Variants in CNGA1 observed in about 807,000 individuals in gnomAD.
The protein encoded by CNGA1 is cyclic nucleotide gated channel subunit alpha 1.
In CNGA1, 53 loss-of-function variants were observed where a neutral mutation model predicts 69.7. That is an observed-to-expected ratio of 0.76 (90% confidence interval 0.61 to 0.96). The LOEUF is 0.96. Ranked by LOEUF, CNGA1 falls within the 40% of genes least tolerant of loss-of-function variation. CNGA1 has a pLI of 0.00. For missense variants in CNGA1, 739 were observed against 811.2 expected (o/e 0.91, Z 1.08); for synonymous variants, 249 against 283.5 (o/e 0.88, Z 1.22).
At chr4:47,998,418 T>C (rs911253641) in intron 2 of CNGA1, among the ~76,000 whole-genome samples, 4 of 152,166 alleles carry the variant, frequency 2.6e-5, no homozygotes, top group Non-Finnish European at 5.9e-5. Context: ...CACACAGACC[T>C]TGGAGATATT....
rs545029074 is a variant in CNGA1, at chr4:47,991,172, C to T, written c.-122-9672G>A. The stretch of plus-strand genomic sequence containing the variant: ...AACTTCTTTTCCCCTGGGTAGATAC[C>T]GAGTACTGGGATTGCTGGATCAAAT... On this transcript the variant is annotated intron_variant, in intron 2 of 10. Transcript: ENST00000514170. Among the ~76,000 whole-genome samples the T allele has an allele frequency of 4.3e-4, 66 of 152,244 alleles. 1 individual carries two copies. Among genetic ancestry groups the T allele is most frequent in the African/African-American group, 1.3e-3 (56 of 41,540 alleles).
At position 47,936,846 on chromosome 4, in the gene CNGA1, GA is replaced by G. The variant is rs1304811464; in HGVS notation, c.1635del (p.Asn547ThrfsTer35). 1 of 1,614,034 alleles carries G rather than the reference GA, an allele frequency of 6.2e-7. No homozygotes were observed. Among genetic ancestry groups the G allele is most frequent in the Non-Finnish European group, 8.5e-7 (1 of 1,180,034 alleles). The part of the protein sequence containing the change: ...SDGSYFGEIS[I>X]LNIKGSKAGN... ...CCAGCTTTGCTCCCTTTAATGTTAA[GA>G]ATGCTGATCTCACCGAAGTAGCTGC... On this transcript the variant is annotated frameshift_variant, in exon 11 of 11. Transcript: ENST00000514170. LOFTEE classifies it high-confidence loss of function.
At chr4:47,952,408 TAAAA>T (rs1461628886) in intron 4 of CNGA1, among the ~76,000 whole-genome samples, 171 bp downstream of exon 4, 15 of 145,744 alleles carry the variant, frequency 1.0e-4, no homozygotes, top group Non-Finnish European at 1.8e-4. Flanking sequence ...AATAAATAAA[TAAAA>T]TCTATGTTCA....
chr4:47,938,685 G>A (rs1015125206), intron 10 of CNGA1, among the ~76,000 whole-genome samples: 21 of 152,086 alleles, frequency 1.4e-4, no homozygotes, highest in South Asian at 6.2e-4. Flanking sequence ...GCCACTGAGC[G>A]CGGCCCTAAG....
intron 5 of CNGA1, among the ~76,000 whole-genome samples, chr4:47,950,657 A>T (rs749949001): frequency 6.6e-6 from 1 of 152,170 alleles, no homozygotes; most frequent in African/African-American, 2.4e-5. Flanking sequence ...AAGAAAAATA[A>T]GAAAAAGGAA....
intron 6 of CNGA1, among the ~76,000 whole-genome samples, chr4:47,945,353 C>G (rs951827197): frequency 5.9e-5 from 9 of 152,192 alleles, no homozygotes; most frequent in African/African-American, 2.2e-4. Flanking sequence ...GACTCTGCAA[C>G]AGTATGACAA....
In CNGA1 at chr4:47,937,177, G is replaced by A. The variant is rs1233322894; in HGVS notation, c.1305C>T (p.Asp435=). ...CTGTTTTTTTGTTGGTCCACAGGTA[G>A]TCAAACCATTTAATAACCCTCTTTT... ...DMEKRVIKWF[D]YLWTNKKTVD... is the part of the protein sequence containing the mutation. Residue 435 remains aspartate (D), a synonymous_variant, in exon 11 of 11, where the codon GAC becomes GAT. Coordinates refer to ENST00000514170, the MANE Select transcript of CNGA1 (RefSeq NM_001379270.1). 6.2e-7 allele frequency: 1 copy of A among 1,614,190 alleles called. No individual in the cohort carries two copies. The highest frequency in any genetic ancestry group is 2.2e-5 in the East Asian group (1 of 44,890).
At chr4:47,986,601 T>A (rs1445523895) in intron 2 of CNGA1, among the ~76,000 whole-genome samples, 2 of 152,166 alleles carry the variant, frequency 1.3e-5, no homozygotes, top group Non-Finnish European at 2.9e-5. Context: ...CATAAAGGCA[T>A]AAAATTTGCT....
intron 3 of CNGA1, chr4:47,970,936 A>C (rs1247422834): frequency 2.2e-6 from 1 of 453,812 alleles, no homozygotes; most frequent in South Asian, 1.6e-5. Flanking sequence ...TGGGCAGATC[A>C]CTTGAGATCA....
At chr4:47,988,469 G>T (rs1255459467) in intron 2 of CNGA1, among the ~76,000 whole-genome samples, 1 of 151,982 alleles carries the variant, frequency 6.6e-6, no homozygotes, top group Non-Finnish European at 1.5e-5. Context: ...AGGCTATACA[G>T]CTCTCAGAGT....
intron 2 of CNGA1, among the ~76,000 whole-genome samples, chr4:47,995,124 T>A (rs1036618950): frequency 1.1e-4 from 17 of 152,184 alleles, no homozygotes; most frequent in Non-Finnish European, 2.9e-5. Flanking sequence ...TCCTTTGTCT[T>A]AATTTTAGAT....
intron 2 of CNGA1, among the ~76,000 whole-genome samples, chr4:48,002,650 C>T (rs1163019845): frequency 1.4e-5 from 2 of 138,054 alleles, no homozygotes; most frequent in East Asian, 2.0e-4. Context: ...GCTGGGTTGG[C>T]TGGTCCAGGT....
At chr4:48,007,523 G>T (rs1409531946) in intron 2 of CNGA1, among the ~76,000 whole-genome samples, 1 of 152,188 alleles carries the variant, frequency 6.6e-6, no homozygotes, top group Non-Finnish European at 1.5e-5. Context: ...AGGGCCTGAA[G>T]ATGAGGTTTT....
At chr4:47,944,548 C>T (rs1291869781) in intron 6 of CNGA1, among the ~76,000 whole-genome samples, 1 of 152,172 alleles carries the variant, frequency 6.6e-6, no homozygotes, top group Non-Finnish European at 1.5e-5. Context: ...TAAACATTAA[C>T]ACCATGGCAG....
chr4:47,936,394 T>C lies in CNGA1; in HGVS notation c.*27A>G. The C allele has an allele frequency of 6.2e-7, 1 of 1,606,398 alleles. No homozygotes were observed. The highest frequency in any genetic ancestry group is 1.1e-5 in the South Asian group (1 of 90,954). ...AGGATCAAAAGGATCATGAGGCATG[T>C]CCCTGTTAATGACCAGCTTTTCGGT... On this transcript the variant is annotated 3_prime_UTR_variant, in exon 11 of 11. Coordinates refer to ENST00000514170, the MANE Select transcript of CNGA1 (RefSeq NM_001379270.1).
chr4:47,992,168 A>C (rs753073253), intron 2 of CNGA1, among the ~76,000 whole-genome samples: 27 of 152,020 alleles, frequency 1.8e-4, no homozygotes, highest in Admixed American at 7.2e-4. Context: ...TTGGTTCCAT[A>C]TGAATTTTAG....
intron 3 of CNGA1, among the ~76,000 whole-genome samples, chr4:47,955,168 C>G (rs1285804980): frequency 2.8e-5 from 3 of 107,568 alleles, no homozygotes; most frequent in African/African-American, 1.1e-4. Flanking sequence ...TCTCTTTTTT[C>G]TTTTCTTTTT....
At chr4:47,975,126 T>A (rs997356887) in intron 3 of CNGA1, among the ~76,000 whole-genome samples, 2 of 152,204 alleles carry the variant, frequency 1.3e-5, no homozygotes, top group Non-Finnish European at 2.9e-5. Flanking sequence ...ATGATTAATC[T>A]TTCTTTAATC....
intron 2 of CNGA1, among the ~76,000 whole-genome samples, chr4:47,995,863 T>C (rs906270872): frequency 6.6e-5 from 10 of 152,184 alleles, no homozygotes; most frequent in Non-Finnish European, 1.5e-5. Context: ...TCTCACCCTT[T>C]TCCTATGGAT....
Sources: gnomAD v4.1 joint callset for allele counts (sites outside exome capture counted in the v4.1 genomes callset) on GRCh38, gnomAD v4.1.1 for gene constraint, MANE v1.5 for transcripts, NCBI Gene and HGNC (gene_info 2026-07-23, HGNC 2026-07-21) for gene names.